The following SYT1 variants were observed in gnomAD, a reference collection of about 807,000 sequenced individuals.
The protein encoded by SYT1 is synaptotagmin-1.
Under a neutral mutation model 44.8 loss-of-function variants are expected in SYT1, and 8 were observed. That is an observed-to-expected ratio of 0.18 (90% confidence interval 0.10 to 0.32). SYT1 has a LOEUF of 0.32. Among genes scored for constraint, SYT1 ranks in the 10% least tolerant of loss-of-function variants. SYT1 has a pLI of 1.00. For missense variants in SYT1, 286 were observed against 509.3 expected (o/e 0.56, Z 4.22); for synonymous variants, 154 against 188.8 (o/e 0.82, Z 1.51).
rs572145537 is a variant in SYT1, at chr12:78,947,452, G to A, written c.-216-30347G>A. Among the ~76,000 whole-genome samples, 3 of 150,652 alleles carry A rather than the reference G, an allele frequency of 2.0e-5. No individual in the cohort carries two copies. In the East Asian group the frequency reaches 5.9e-4, roughly 29 times the overall value. On this transcript the variant is annotated intron_variant, in intron 1 of 10. Coordinates refer to ENST00000261205, the MANE Select transcript of SYT1 (RefSeq NM_005639.3). ...ACCAAACCATTTGAGCAAGAACTAT[G>A]GACTATTCATACAGTTTATCAAATT...
chr12:79,201,700 C>T (rs1286595564), intron 3 of SYT1, among the ~76,000 whole-genome samples: 2 of 152,140 alleles, frequency 1.3e-5, no homozygotes, highest in Non-Finnish European at 2.9e-5. Flanking sequence ...GAGTCCTAGT[C>T]ATCAACAATC....
rs533376036 is a variant in SYT1 at position 79,023,936 on chromosome 12, A to G, written c.-83-23361A>G. ...AAGAATAAGCACATTTTCTTATATA[A>G]CCACAGTACAGTGGTCAACATCAGG... On this transcript the variant is annotated intron_variant, in intron 2 of 10. Coordinates refer to ENST00000261205, the MANE Select transcript of SYT1 (RefSeq NM_005639.3). Among the ~76,000 whole-genome samples the G allele has an allele frequency of 2.7e-5, 4 of 150,138 alleles. No individual in the cohort carries two copies. In the South Asian group the frequency reaches 8.4e-4, roughly 32 times the overall value.
At chr12:78,948,661 T>G (rs1789778095) in intron 1 of SYT1, among the ~76,000 whole-genome samples, 1 of 151,890 alleles carries the variant, frequency 6.6e-6, no homozygotes. Context: ...GGGGTTTGAC[T>G]GACAGTTTCT....
intron 4 of SYT1, among the ~76,000 whole-genome samples, chr12:79,283,376 A>G (rs1022545197): frequency 5.3e-5 from 8 of 152,146 alleles, no homozygotes; most frequent in East Asian, 1.9e-4. Context: ...CATTATTTCA[A>G]ATTTCTTCCT....
intron 3 of SYT1, among the ~76,000 whole-genome samples, chr12:79,092,803 G>A (rs1420625221): frequency 4.6e-5 from 7 of 151,708 alleles, no homozygotes; most frequent in Non-Finnish European, 7.4e-5. Context: ...ACTGCAAGAT[G>A]CTTTTAGAGA....
At chr12:79,138,901 G>A (rs935596047) in intron 3 of SYT1, among the ~76,000 whole-genome samples, 19 of 152,148 alleles carry the variant, frequency 1.2e-4, no homozygotes, top group Non-Finnish European at 2.1e-4. Context: ...AAAAAACTCA[G>A]TAATTAAGGT....
chr12:78,906,868 G>A (rs1876015435), intron 1 of SYT1, among the ~76,000 whole-genome samples: 1 of 152,072 alleles, frequency 6.6e-6, no homozygotes, highest in African/African-American at 2.4e-5. Flanking sequence ...AGTGCCTACT[G>A]TGTCAAACGT....
rs1592815084 is a variant in SYT1, at chr12:79,171,260, T to C, written c.-17-46243T>C. Among the ~76,000 whole-genome samples, 4 of 152,208 alleles carry C rather than the reference T, an allele frequency of 2.6e-5. No homozygotes were observed. In the South Asian group the frequency reaches 8.3e-4, roughly 32 times the overall value. ...AAGAGTAGTTTAATAGGAATAGCATTGAATCTACGAATTACTTTGGATAGT... is the reference window on the plus strand; with the variant it reads ...AAGAGTAGTTTAATAGGAATAGCATCGAATCTACGAATTACTTTGGATAGT... On this transcript the variant is annotated intron_variant, in intron 3 of 10. Coordinates refer to ENST00000261205, the MANE Select transcript of SYT1 (RefSeq NM_005639.3).
chr12:78,976,100 A>G (rs1002106040), intron 1 of SYT1, among the ~76,000 whole-genome samples: 2 of 152,204 alleles, frequency 1.3e-5, no homozygotes, highest in African/African-American at 4.8e-5. Flanking sequence ...CTCACTAACT[A>G]GCATATCCCA....
At chr12:79,213,377 T>A (rs1874580925) in intron 3 of SYT1, among the ~76,000 whole-genome samples, 1 of 152,178 alleles carries the variant, frequency 6.6e-6, no homozygotes, top group Non-Finnish European at 1.5e-5. Flanking sequence ...TAAGACACCT[T>A]GGTTCAAATC....
At chr12:78,965,992 G>A (rs1418285090) in intron 1 of SYT1, among the ~76,000 whole-genome samples, 1 of 151,208 alleles carries the variant, frequency 6.6e-6, no homozygotes, top group Non-Finnish European at 1.5e-5. Context: ...CAGGAGAATC[G>A]CTTGAACCCG....
intron 1 of SYT1, among the ~76,000 whole-genome samples, chr12:78,938,498 C>T (rs1372081699): frequency 1.3e-5 from 2 of 152,164 alleles, no homozygotes; most frequent in Non-Finnish European, 2.9e-5. Context: ...CCTTTGGCTT[C>T]TATGGACATA....
intron 9 of SYT1, among the ~76,000 whole-genome samples, chr12:79,434,410 T>C (rs1565956398): frequency 6.6e-6 from 1 of 152,234 alleles, no homozygotes; most frequent in Non-Finnish European, 1.5e-5. Context: ...TTAAATGCTT[T>C]AATGTAGTCT....
At chr12:79,082,878 G>A (rs1877129240) in intron 3 of SYT1, among the ~76,000 whole-genome samples, 1 of 152,142 alleles carries the variant, frequency 6.6e-6, no homozygotes, top group African/African-American at 2.4e-5. Flanking sequence ...AATGGTCCTT[G>A]CCAGGTGAAC....
At chr12:79,402,557 A>C (rs1885108434) in intron 9 of SYT1, among the ~76,000 whole-genome samples, 1 of 152,164 alleles carries the variant, frequency 6.6e-6, no homozygotes, top group South Asian at 2.1e-4. Context: ...TGCAAACCTA[A>C]ATAGCCCCCT....
At chr12:79,416,544 CAG>C (rs1407622758) in intron 9 of SYT1, among the ~76,000 whole-genome samples, 8 of 152,020 alleles carry the variant, frequency 5.3e-5, no homozygotes, top group African/African-American at 1.4e-4. Context: ...AAATATGACT[CAG>C]AAAAATGCGA....
At chr12:78,953,620 G>A (rs766589231) in intron 1 of SYT1, among the ~76,000 whole-genome samples, 13 of 152,106 alleles carry the variant, frequency 8.5e-5, no homozygotes, top group Non-Finnish European at 1.5e-4. Context: ...CAGGCATTCA[G>A]CAAACACAAT....
chr12:79,288,639 T>TATA (rs1457130596), intron 5 of SYT1, among the ~76,000 whole-genome samples: 1 of 152,196 alleles, frequency 6.6e-6, no homozygotes, highest in Non-Finnish European at 1.5e-5. Context: ...ATAAGATATA[T>TATA]ATTTATGTGT....
chr12:79,409,554 C>A (rs2136130586), intron 9 of SYT1, among the ~76,000 whole-genome samples: 1 of 152,170 alleles, frequency 6.6e-6, no homozygotes, highest in Non-Finnish European at 1.5e-5. Context: ...GCTTCTTATA[C>A]CTGAATGGCC....
Sources: gnomAD v4.1 joint callset for allele counts (sites outside exome capture counted in the v4.1 genomes callset) on GRCh38, gnomAD v4.1.1 for gene constraint, MANE v1.5 for transcripts, NCBI Gene and HGNC (gene_info 2026-07-23, HGNC 2026-07-21) for gene names.